Variants in RALA observed in about 807,000 individuals in gnomAD.
RALA encodes the protein ras-related protein Ral-A.
In RALA, 5 loss-of-function variants were observed where a neutral mutation model predicts 24.0. The ratio of observed to expected loss-of-function variants is 0.21; its 90% CI spans 0.11 to 0.44. The LOEUF (loss-of-function observed/expected upper bound fraction) is 0.44, where lower values mean the gene tolerates loss of function less well. Among genes scored for constraint, RALA ranks in the 20% least tolerant of loss-of-function variants. RALA has a pLI of 0.99. For missense variants in RALA, 95 were observed against 241.2 expected, an observed-to-expected ratio of 0.39 and a Z score of 4.01; for synonymous variants, 77 against 83.8, an observed-to-expected ratio of 0.92 and a Z score of 0.44.
intron 1 of RALA, among the ~76,000 whole-genome samples, chr7:39,674,325 AAT>A (rs960591070): frequency 1.3e-5 from 2 of 152,150 alleles, no homozygotes; most frequent in Admixed American, 1.3e-4. Flanking sequence ...AATTTTATCA[AAT>A]ATTATTCTAG....
At chr7:39,639,812 C>A (rs1397061932) in intron 1 of RALA, among the ~76,000 whole-genome samples, 2 of 152,108 alleles carry the variant, frequency 1.3e-5, no homozygotes, top group Non-Finnish European at 2.9e-5. Context: ...GGACACCGTC[C>A]TGTTGCAGGA....
intron 1 of RALA, among the ~76,000 whole-genome samples, chr7:39,643,400 G>A (rs563799770): frequency 2.2e-4 from 34 of 152,250 alleles, no homozygotes; most frequent in African/African-American, 7.0e-4. Flanking sequence ...AGTGATCAGC[G>A]GGGGACAACT....
intron 1 of RALA, among the ~76,000 whole-genome samples, chr7:39,666,639 T>C (rs1202295565): frequency 6.6e-6 from 1 of 152,240 alleles, no homozygotes; most frequent in Non-Finnish European, 1.5e-5. Flanking sequence ...GGGTGCCACA[T>C]ATACAAGTCA....
chr7:39,688,579 AT>A (rs34265657), intron 2 of RALA, among the ~76,000 whole-genome samples: 8,754 of 142,672 alleles, frequency 0.061, 274 homozygotes, highest in Middle Eastern at 0.12. Context: ...CACATGCCTA[AT>A]TTTTTTTTTT....
chr7:39,670,899 AT>A (rs35510758), intron 1 of RALA, among the ~76,000 whole-genome samples: 2,256 of 152,192 alleles, frequency 0.015, 38 homozygotes, highest in African/African-American at 0.05. Context: ...GATTTCCATC[AT>A]TTCCTTACAG....
chr7:39,683,163 GAT>G (rs1235297719), intron 1 of RALA, among the ~76,000 whole-genome samples: 2 of 152,090 alleles, frequency 1.3e-5, no homozygotes, highest in East Asian at 1.9e-4. Flanking sequence ...AAGTGTAAGA[GAT>G]AAATTTCTTT....
At chr7:39,651,586 T>C (rs1201954036) in intron 1 of RALA, among the ~76,000 whole-genome samples, 2 of 152,174 alleles carry the variant, frequency 1.3e-5, no homozygotes, top group Non-Finnish European at 2.9e-5. Flanking sequence ...AAGCTTTTTT[T>C]TTTTCCTGAT....
At chr7:39,637,732 T>C (rs1208248704) in intron 1 of RALA, among the ~76,000 whole-genome samples, 9 of 152,344 alleles carry the variant, frequency 5.9e-5, no homozygotes, top group East Asian at 1.9e-4. Flanking sequence ...CTTTTTGTTT[T>C]GAAACATTTC....
Position 39,696,769 on chromosome 7 carries a change from G to A in RALA, c.408G>A (p.Gln136=). 1.2e-6 allele frequency: 2 copies of A among 1,613,278 alleles called. No homozygotes were observed. The highest frequency in any genetic ancestry group is 1.7e-6 in the Non-Finnish European group (2 of 1,179,298). Residue 136 remains glutamine (Q), a synonymous_variant, in exon 4 of 5, where the codon CAG becomes CAA. Coordinates refer to ENST00000005257, the MANE Select transcript of RALA (RefSeq NM_005402.4). ...GNKSDLEDKR[Q]VSVEEAKNRA... ...AATCAGATTTAGAAGATAAAAGACA[G>A]GTTTCTGTAGAAGAGGCAAAAAACA...
chr7:39,632,109 C>T (rs1244493022), intron 1 of RALA, among the ~76,000 whole-genome samples: 3 of 152,234 alleles, frequency 2.0e-5, no homozygotes, highest in East Asian at 1.9e-4. Context: ...CCAAGCCATT[C>T]GTGAGGAATC....
At chr7:39,694,830 T>C (rs568269189) in intron 3 of RALA, among the ~76,000 whole-genome samples, 5 of 151,724 alleles carry the variant, frequency 3.3e-5, no homozygotes, top group African/African-American at 7.3e-5. Context: ...ATCACTTGAG[T>C]TCAGGAGTTC....
intron 1 of RALA, among the ~76,000 whole-genome samples, chr7:39,651,567 T>C (rs1220291584): frequency 6.6e-6 from 1 of 152,122 alleles, no homozygotes; most frequent in Non-Finnish European, 1.5e-5. Context: ...ATATTTTTCC[T>C]TTTTCACTAA....
At chr7:39,636,352 G>A (rs929528015) in intron 1 of RALA, among the ~76,000 whole-genome samples, 2 of 152,094 alleles carry the variant, frequency 1.3e-5, no homozygotes, top group Admixed American at 6.6e-5. Flanking sequence ...CAGTTTTTCC[G>A]CAACTTCACT....
chr7:39,640,206 T>G (rs1308336286), intron 1 of RALA, among the ~76,000 whole-genome samples: 1 of 152,164 alleles, frequency 6.6e-6, no homozygotes, highest in Non-Finnish European at 1.5e-5. Context: ...GCATCACTCC[T>G]GGCTAATTTT....
chr7:39,656,599 A>G (rs1212037299), intron 1 of RALA, among the ~76,000 whole-genome samples: 3 of 152,256 alleles, frequency 2.0e-5, no homozygotes, highest in Non-Finnish European at 2.9e-5. Flanking sequence ...ACTGTGCAAC[A>G]AGACCGTGTT....
chr7:39,658,717 C>T (rs946770646), intron 1 of RALA, among the ~76,000 whole-genome samples: 4 of 151,970 alleles, frequency 2.6e-5, no homozygotes, highest in East Asian at 3.9e-4. Context: ...CACCTGTAAG[C>T]GAATCTTCCC....
intron 4 of RALA, among the ~76,000 whole-genome samples, chr7:39,698,797 A>G (rs1027163806): frequency 6.6e-6 from 1 of 152,164 alleles, no homozygotes; most frequent in Non-Finnish European, 1.5e-5. Flanking sequence ...TGGTGTCTGT[A>G]TTAGCACAGC....
At chr7:39,635,323 C>T (rs1382146270) in intron 1 of RALA, among the ~76,000 whole-genome samples, 2 of 152,014 alleles carry the variant, frequency 1.3e-5, no homozygotes, top group African/African-American at 4.8e-5. Context: ...TGCAGTGAGC[C>T]GAGATCGTGC....
At chr7:39,670,893 T>G (rs1303846553) in intron 1 of RALA, among the ~76,000 whole-genome samples, 1 of 151,894 alleles carries the variant, frequency 6.6e-6, no homozygotes, top group African/African-American at 2.4e-5. Context: ...AATATTGATT[T>G]CCATCATTTC....
Sources: gnomAD v4.1 joint callset for allele counts (sites outside exome capture counted in the v4.1 genomes callset) on GRCh38, gnomAD v4.1.1 for gene constraint, MANE v1.5 for transcripts, NCBI Gene and HGNC (gene_info 2026-07-23, HGNC 2026-07-21) for gene names.